The following SHISA9 variants were observed in gnomAD, a reference collection of about 807,000 sequenced individuals.
SHISA9 encodes protein shisa-9.
Under a neutral mutation model 38.0 loss-of-function variants are expected in SHISA9, and 13 were observed. That is an observed-to-expected ratio of 0.34 (90% CI 0.22 to 0.54). SHISA9 has a LOEUF of 0.54. SHISA9 is among the 20% of genes least tolerant of loss of function. SHISA9 has a pLI of 0.91. For missense variants in SHISA9, 538 were observed against 575.8 expected (o/e 0.93, Z 0.67); for synonymous variants, 275 against 242.0 (o/e 1.14, Z -1.27).
In SHISA9 at chr16:13,108,343, T is replaced by C. The variant is rs73520675; in HGVS notation, c.692-95051T>C. ...TAGGATCTTGTTATGTTACTCAGCCTGGTCTCAAATTCCTAAGCTCAAGCA... is the reference window on the plus strand; with the variant it reads ...TAGGATCTTGTTATGTTACTCAGCCCGGTCTCAAATTCCTAAGCTCAAGCA... On this transcript the variant is annotated intron_variant, in intron 2 of 4. Coordinates refer to ENST00000558583, the MANE Select transcript of SHISA9 (RefSeq NM_001145204.3). 7.6e-3 allele frequency among the ~76,000 whole-genome samples: 1,163 copies of C among 152,270 alleles called. 13 individuals carry two copies. Among genetic ancestry groups the C allele is most frequent in the African/African-American group, 0.027 (1,107 of 41,550 alleles).
In SHISA9 at chr16:12,902,601, C is replaced by T; in HGVS notation, c.537C>T (p.His179=). Residue 179 remains histidine, a synonymous_variant, in exon 1 of 5, where the codon CAC becomes CAT. Transcript: ENST00000558583. ...IFTKLGLEKA[H]RPQREHMSRA... ...CCAAGCTGGGGCTGGAGAAAGCGCA[C>T]CGGCCCCAAAGGGAGCACATGTCCA... 1 of 1,550,450 alleles carries T rather than the reference C, an allele frequency of 6.4e-7. No individual in the cohort carries two copies.
At chr16:13,101,297 G>A (rs1204518512) in intron 2 of SHISA9, among the ~76,000 whole-genome samples, 2 of 152,200 alleles carry the variant, frequency 1.3e-5, no homozygotes, top group East Asian at 1.9e-4. Flanking sequence ...TGGTAACTAT[G>A]TAAGATGACA....
chr16:13,284,316 CT>C, the SHISA9 span, among the ~76,000 whole-genome samples: 5 of 152,128 alleles, frequency 3.3e-5, no homozygotes, highest in Non-Finnish European at 7.4e-5. Context: ...ATTTTGTCTA[CT>C]TTTATAGTTA....
At chr16:13,532,555 G>T in the SHISA9 span, among the ~76,000 whole-genome samples, 2 of 81,350 alleles carry the variant, frequency 2.5e-5, no homozygotes, top group African/African-American at 1.1e-4. Context: ...GTGCGTGTGT[G>T]TATGTGTGTG....
chr16:13,338,234 G>A, the SHISA9 span, among the ~76,000 whole-genome samples: 1 of 152,144 alleles, frequency 6.6e-6, no homozygotes, highest in Non-Finnish European at 1.5e-5. Context: ...CCTGGATCCA[G>A]CCACACCTGA....
At chr16:13,393,275 C>G in the SHISA9 span, among the ~76,000 whole-genome samples, 1 of 152,220 alleles carries the variant, frequency 6.6e-6, no homozygotes, top group East Asian at 1.9e-4. Flanking sequence ...TATTTTAATT[C>G]TCTGGTGTTG....
chr16:13,297,615 G>C, the SHISA9 span, among the ~76,000 whole-genome samples: 1 of 152,214 alleles, frequency 6.6e-6, no homozygotes, highest in Non-Finnish European at 1.5e-5. Context: ...CCTTAGGCGG[G>C]AAAAGATTTG....
chr16:13,486,475 A>T, the SHISA9 span, among the ~76,000 whole-genome samples: 1 of 152,218 alleles, frequency 6.6e-6, no homozygotes, highest in Admixed American at 6.5e-5. Flanking sequence ...TGGCAGACTG[A>T]CATCTATCAA....
intron 2 of SHISA9, among the ~76,000 whole-genome samples, chr16:13,002,219 T>C (rs2072534195): frequency 6.6e-6 from 1 of 152,196 alleles, no homozygotes; most frequent in Non-Finnish European, 1.5e-5. Context: ...CAGAGAGGTG[T>C]CACATGTTTA....
the SHISA9 span, among the ~76,000 whole-genome samples, chr16:13,451,953 G>A: frequency 6.6e-6 from 1 of 152,198 alleles, no homozygotes; most frequent in Non-Finnish European, 1.5e-5. Flanking sequence ...GGGAGAAGGG[G>A]TACAGAGAGA....
chr16:13,062,765 T>C (rs1043874728), intron 2 of SHISA9, among the ~76,000 whole-genome samples: 2 of 152,184 alleles, frequency 1.3e-5, no homozygotes, highest in Admixed American at 6.5e-5. Flanking sequence ...TCAACATGGA[T>C]TTTTAGAATT....
the SHISA9 span, among the ~76,000 whole-genome samples, chr16:13,268,848 A>C: frequency 6.6e-6 from 1 of 152,206 alleles, no homozygotes; most frequent in African/African-American, 2.4e-5. Context: ...TTTGCTGAGT[A>C]CATATTACGT....
chr16:13,019,884 C>CTCCCTTCT (rs1567184073), intron 2 of SHISA9, among the ~76,000 whole-genome samples: 1 of 20,916 alleles, frequency 4.8e-5, no homozygotes, highest in Admixed American at 5.1e-4. Context: ...CCCTCCCTCC[C>CTCCCTTCT]TTCTTTCTTT....
At chr16:13,110,482 T>G (rs1280477446) in intron 2 of SHISA9, among the ~76,000 whole-genome samples, 1 of 152,218 alleles carries the variant, frequency 6.6e-6, no homozygotes, top group African/African-American at 2.4e-5. Context: ...GAATGTGATG[T>G]GTGCTCCCTG....
At chr16:13,431,815 C>A in the SHISA9 span, among the ~76,000 whole-genome samples, 1 of 152,170 alleles carries the variant, frequency 6.6e-6, no homozygotes, top group Admixed American at 6.5e-5. Context: ...AATCCCAGAA[C>A]TTTGGGAGGC....
the SHISA9 span, among the ~76,000 whole-genome samples, chr16:13,356,334 G>A: frequency 6.6e-6 from 1 of 152,112 alleles, no homozygotes; most frequent in East Asian, 1.9e-4. Flanking sequence ...AGTGTCTCAC[G>A]GTTGCTGCCA....
chr16:13,171,258 C>T (rs1050088738), intron 2 of SHISA9, among the ~76,000 whole-genome samples: 3 of 152,172 alleles, frequency 2.0e-5, no homozygotes, highest in Non-Finnish European at 2.9e-5. Flanking sequence ...ATGACCCAAA[C>T]ACCTCCCACC....
intron 2 of SHISA9, among the ~76,000 whole-genome samples, chr16:12,992,350 C>T (rs2072397478): frequency 6.9e-6 from 1 of 144,110 alleles, no homozygotes; most frequent in Non-Finnish European, 1.5e-5. Context: ...CATGATGAAA[C>T]CCCATCTCTA....
chr16:13,465,681 T>A, the SHISA9 span, among the ~76,000 whole-genome samples: 1 of 152,160 alleles, frequency 6.6e-6, no homozygotes, highest in Non-Finnish European at 1.5e-5. Context: ...TATCTCAAGG[T>A]GATACACCTT....
Sources: gnomAD v4.1 joint callset for allele counts (sites outside exome capture counted in the v4.1 genomes callset) on GRCh38, gnomAD v4.1.1 for gene constraint, MANE v1.5 for transcripts, NCBI Gene and HGNC (gene_info 2026-07-23, HGNC 2026-07-21) for gene names.